DZANK1: variants seen among roughly 807,000 people sequenced by gnomAD.
The protein encoded by DZANK1 is double zinc ribbon and ankyrin repeat-containing protein 1.
Under a neutral mutation model 94.5 loss-of-function variants are expected in DZANK1, and 91 were observed. The observed-to-expected ratio is 0.96, with a 90% confidence interval of 0.81 to 1.15. The LOEUF (loss-of-function observed/expected upper bound fraction) is 1.15, where lower values mean the gene tolerates loss of function less well. Ranked by LOEUF, DZANK1 falls within the 50% of genes most tolerant of loss-of-function variation. The pLI is 0.00. For synonymous variants in DZANK1, 312 were observed against 325.3 expected (o/e 0.96, Z 0.44); for missense variants, 903 against 916.4 (o/e 0.99, Z 0.19).
intron 8 of DZANK1, among the ~76,000 whole-genome samples, chr20:18,437,505 G>A (rs1433258200): frequency 6.6e-6 from 1 of 152,112 alleles, no homozygotes; most frequent in Admixed American, 6.5e-5. Flanking sequence ...CTTGAACCCA[G>A]GAGGCAGAGG....
intron 16 of DZANK1, among the ~76,000 whole-genome samples, 164 bp from the exon 17 acceptor site, chr20:18,393,975 C>T (rs1568879432): frequency 6.6e-6 from 1 of 152,142 alleles, no homozygotes; most frequent in African/African-American, 2.4e-5. Context: ...GAGCCACTCT[C>T]CTGTCCAGGA....
At chr20:18,410,403 TA>T (rs2057194737) in intron 13 of DZANK1, among the ~76,000 whole-genome samples, 1 of 151,980 alleles carries the variant, frequency 6.6e-6, no homozygotes, top group Admixed American at 6.6e-5. Context: ...TAGTAACCAC[TA>T]AGGAAATAAC....
chr20:18,423,947 CA>C (rs2057911406), intron 10 of DZANK1, among the ~76,000 whole-genome samples: 1 of 151,430 alleles, frequency 6.6e-6, no homozygotes, highest in South Asian at 2.1e-4. Flanking sequence ...AAATAGGATT[CA>C]AAAAAATAGA....
intron 9 of DZANK1, among the ~76,000 whole-genome samples, chr20:18,429,719 C>T (rs952796548): frequency 2.0e-5 from 3 of 152,216 alleles, no homozygotes; most frequent in East Asian, 3.8e-4. Flanking sequence ...TACTTTACTG[C>T]GTCAGGTCTA....
At chr20:18,385,712 GA>G (rs1226900469) in intron 19 of DZANK1, among the ~76,000 whole-genome samples, 1 of 152,140 alleles carries the variant, frequency 6.6e-6, no homozygotes, top group Non-Finnish European at 1.5e-5. Context: ...CTTTGGCTTG[GA>G]CCTCTTGGGC....
chr20:18,440,132 C>T (rs1166999446), intron 8 of DZANK1, among the ~76,000 whole-genome samples: 1 of 152,174 alleles, frequency 6.6e-6, no homozygotes, highest in Non-Finnish European at 1.5e-5. Context: ...TCACCAGAAA[C>T]CAAACCTGCT....
rs16979190 is a variant in DZANK1, at chr20:18,452,737, C to T, written c.476-55G>A. ...GGGTCAGTTCTTTCACCTACCTGGA[C>T]GTCTACAATGATATTAAAAACATTA... On this transcript the variant is annotated intron_variant, in intron 5 of 20. Coordinates refer to ENST00000262547, the Ensembl canonical transcript of DZANK1. The T allele has an allele frequency of 1.4e-3, 2,189 of 1,566,328 alleles. 47 individuals are homozygous for T. In the Admixed American group the frequency reaches 0.035, roughly 25 times the overall value.
rs770822269 is a variant in DZANK1, at chr20:18,396,562, T to C, written c.1537-16A>G. 1 of 1,605,010 alleles carries C rather than the reference T, an allele frequency of 6.2e-7. No homozygotes were observed. Among genetic ancestry groups the C allele is most frequent in the Non-Finnish European group, 8.5e-7 (1 of 1,173,208 alleles). On this transcript the variant is annotated splice_polypyrimidine_tract_variant and intron_variant, in intron 14 of 20. Transcript: ENST00000262547. ...CAGAGATAAGCTTTTAAAAGAGTTG[T>C]AGAGAGAATTCATAACTGTGGGTGT...
At chr20:18,457,070 C>T (rs561658352) in intron 3 of DZANK1, among the ~76,000 whole-genome samples, 1 of 152,262 alleles carries the variant, frequency 6.6e-6, no homozygotes, top group African/African-American at 2.4e-5. Context: ...ATATTGTCAG[C>T]CTTGTTGATG....
chr20:18,460,020 A>G, intron 3 of DZANK1, 133 bp downstream of exon 3: 1 of 648,848 alleles, frequency 1.5e-6, no homozygotes. Context: ...TTACATACAT[A>G]TGCTGAAATT....
At chr20:18,396,332 T>G (rs973760784) in intron 15 of DZANK1, 140 bp downstream of exon 15, 1 of 633,310 alleles carries the variant, frequency 1.6e-6, no homozygotes, top group Non-Finnish European at 2.7e-6. Context: ...TCTAATTCTA[T>G]GAAATTGCTT....
At position 18,439,262 on chromosome 20, in the gene DZANK1, G is replaced by T. The variant is rs73900406; in HGVS notation, c.747+4085C>A. On this transcript the variant is annotated intron_variant, in intron 8 of 20. Transcript: ENST00000262547. ...ATTGAAAGCAACAAGTCCCCTTGGGGAAGCGTTCAAGGAAGACTTATGATA... is the reference window on the plus strand; with the variant it reads ...ATTGAAAGCAACAAGTCCCCTTGGGTAAGCGTTCAAGGAAGACTTATGATA... 1.4e-3 allele frequency among the ~76,000 whole-genome samples: 211 copies of T among 152,280 alleles called. 1 individual carries two copies. The highest frequency in any genetic ancestry group is 4.7e-3 in the African/African-American group (194 of 41,560).
intron 7 of DZANK1, among the ~76,000 whole-genome samples, chr20:18,448,265 G>A (rs558242244): frequency 6.6e-6 from 1 of 152,336 alleles, no homozygotes; most frequent in South Asian, 2.1e-4. Context: ...TAGTTACGCT[G>A]AGTGAAAGAA....
Position 18,443,441 on chromosome 20 carries a change from CG to C in DZANK1, c.652del (p.Arg218GlyfsTer45), listed in dbSNP as rs1568990859. Reference sequence around the variant, plus strand: ...GAAGCGAGCAAAGGGATCTGATGGCCGGGGGGCAAGGCAGTGGGCACACCTA... The same window carrying C: ...GAAGCGAGCAAAGGGATCTGATGGCCGGGGGCAAGGCAGTGGGCACACCTA... On this transcript the variant is annotated frameshift_variant, in exon 8 of 21. Coordinates refer to ENST00000262547, the Ensembl canonical transcript of DZANK1. LOFTEE classifies it high-confidence loss of function. 6.7e-7 allele frequency: 1 copy of C among 1,495,286 alleles called. No homozygotes were observed. The highest frequency in any genetic ancestry group is 8.9e-7 in the Non-Finnish European group (1 of 1,121,898). The allele number at this position is 1,495,286 out of a possible 1,614,324, so 92.6% of individuals were successfully genotyped here. A position where few individuals can be genotyped will look rare whatever the true frequency, so the allele number is the denominator to read the frequency against.
intron 10 of DZANK1, 124 bp from the exon 11 acceptor site, chr20:18,415,573 T>TTG (rs2057455512): frequency 2.1e-5 from 24 of 1,144,224 alleles, no homozygotes; most frequent in Non-Finnish European, 2.6e-5. Context: ...TTTTTTGTTT[T>TTG]GTTTTGTTTT....
At chr20:18,398,850 A>G (rs930389877) in intron 13 of DZANK1, among the ~76,000 whole-genome samples, 1 of 152,192 alleles carries the variant, frequency 6.6e-6, no homozygotes, top group African/African-American at 2.4e-5. Context: ...ATTTCAAAAG[A>G]GGCCGAGCAT....
chr20:18,465,167 G>T, intron 2 of DZANK1, 83 bp downstream of exon 2: 3 of 910,528 alleles, frequency 3.3e-6, no homozygotes, highest in Non-Finnish European at 4.9e-6. Context: ...GAGAAAGCAG[G>T]CAAAGAGATA....
intron 8 of DZANK1, among the ~76,000 whole-genome samples, chr20:18,434,566 A>G (rs914652774): frequency 4.6e-5 from 7 of 151,144 alleles, no homozygotes; most frequent in African/African-American, 1.2e-4. Context: ...AAAAAAAAAA[A>G]AGGAATCACA....
At chr20:18,466,173 T>C (rs1946055423) in intron 1 of DZANK1, among the ~76,000 whole-genome samples, 1 of 152,230 alleles carries the variant, frequency 6.6e-6, no homozygotes, top group South Asian at 2.1e-4. Flanking sequence ...TATTGCCTTT[T>C]CAAATTTCAT....
Sources: gnomAD v4.1 joint callset for allele counts (sites outside exome capture counted in the v4.1 genomes callset) on GRCh38, gnomAD v4.1.1 for gene constraint, MANE v1.5 for transcripts, NCBI Gene and HGNC (gene_info 2026-07-23, HGNC 2026-07-21) for gene names.